Variants in NMRAL1 observed in about 807,000 individuals in gnomAD.
NMRAL1 encodes the protein nmrA-like family domain-containing protein 1.
Under a neutral mutation model 27.5 loss-of-function variants are expected in NMRAL1, and 32 were observed. The observed-to-expected ratio is 1.16, with a 90% CI of 0.88 to 1.56. The LOEUF is 1.56. Ranked by LOEUF, NMRAL1 falls within the 40% of genes most tolerant of loss-of-function variation. The probability of loss-of-function intolerance (pLI) is 0.00; values close to 1 mark genes in which losing one functional copy is unlikely to be tolerated. For missense variants in NMRAL1, 420 were observed against 392.0 expected, an observed-to-expected ratio of 1.07 and a Z score of -0.60; for synonymous variants, 166 against 166.8, an observed-to-expected ratio of 1.00 and a Z score of 0.04.
intron 4 of NMRAL1, 159 bp from the exon 5 acceptor site, chr16:4,464,009 C>A: frequency 1.7e-6 from 1 of 576,160 alleles, no homozygotes; most frequent in Admixed American, 3.7e-5. Context: ...TGTGGTAGCA[C>A]AGAGGCAGCA....
intron 4 of NMRAL1, 37 bp from the exon 5 acceptor site, chr16:4,463,887 G>C (rs2057212549): frequency 6.4e-7 from 1 of 1,564,708 alleles, no homozygotes; most frequent in Non-Finnish European, 8.7e-7. Context: ...TATGTCCCGA[G>C]GGCAGACAGG....
intron 2 of NMRAL1, among the ~76,000 whole-genome samples, chr16:4,473,166 G>A (rs78538387): frequency 0.12 from 17,535 of 151,750 alleles, 2,109 homozygotes; most frequent in African/African-American, 0.3. Context: ...ACGAGATTTT[G>A]CCCTGTTGTT....
At chr16:4,473,636 T>C (rs997071176) in intron 2 of NMRAL1, among the ~76,000 whole-genome samples, 1 of 151,942 alleles carries the variant, frequency 6.6e-6, no homozygotes, top group African/African-American at 2.4e-5. Context: ...TTTTTTAATT[T>C]GGAAAGCAGG....
upstream of NMRAL1, among the ~76,000 whole-genome samples, chr16:4,475,488 T>A (rs2057794869): frequency 6.6e-6 from 1 of 151,704 alleles, no homozygotes; most frequent in African/African-American, 2.4e-5. Context: ...TTTTTTGTAT[T>A]TTTGGTAGAG....
chr16:4,469,595 C>A, intron 2 of NMRAL1, 130 bp from the exon 3 acceptor site: 1 of 1,511,416 alleles, frequency 6.6e-7, no homozygotes, highest in South Asian at 1.3e-5. Flanking sequence ...GATTCTCATT[C>A]AGGTATTTTT....
At chr16:4,465,756 G>A (rs946218482) in intron 4 of NMRAL1, among the ~76,000 whole-genome samples, 5 of 151,948 alleles carry the variant, frequency 3.3e-5, no homozygotes, top group Non-Finnish European at 7.4e-5. Context: ...TAGTAGAGAT[G>A]GGGTTTCACC....
At chr16:4,470,222 C>G (rs1385516402) in intron 2 of NMRAL1, among the ~76,000 whole-genome samples, 2 of 146,636 alleles carry the variant, frequency 1.4e-5, no homozygotes, top group Non-Finnish European at 3.0e-5. Context: ...GTAATCCTAG[C>G]ACTTTGAGAG....
At position 4,469,287 on chromosome 16, in the gene NMRAL1, G is replaced by A. The variant is rs771607359; in HGVS notation, c.219C>T (p.Tyr73=). The change falls in exon 3 of 6, where the codon TAC becomes TAT. Residue 73 remains tyrosine (Y), a synonymous_variant. Transcript: ENST00000283429. ...AGTAATTGGTCACGATGAAGGTGGC[G>A]TAAGCCCCATTCAGGGCCAGCTCCA... The part of the protein sequence containing the change: ...VIMELALNGA[Y]ATFIVTNYWE... The A allele has an allele frequency of 1.5e-5, 24 of 1,613,982 alleles. No individual in the cohort carries two copies. In the Admixed American group the frequency reaches 1.8e-4, roughly 12 times the overall value.
intron 3 of NMRAL1, among the ~76,000 whole-genome samples, chr16:4,468,911 A>C (rs1460033068): frequency 2.0e-5 from 3 of 151,568 alleles, no homozygotes; most frequent in Non-Finnish European, 4.4e-5. Context: ...CTGTGCATGT[A>C]CCCCTGAATC....
chr16:4,462,103 C>G (rs938985641), intron 5 of NMRAL1, 144 bp from the exon 6 acceptor site: 21 of 666,754 alleles, frequency 3.1e-5, no homozygotes, highest in Non-Finnish European at 5.4e-5. Context: ...GTCCTCCGTA[C>G]AAGGTCATTT....
intron 5 of NMRAL1, chr16:4,463,432 G>A (rs2141416135): frequency 1.8e-6 from 1 of 541,276 alleles, no homozygotes; most frequent in South Asian, 2.6e-5. Context: ...TGGCTCCTAT[G>A]GCCCTCTCCT....
Position 4,466,602 on chromosome 16 carries a change from C to G in NMRAL1, c.280-200G>C, listed in dbSNP as rs73494675. 517 of 592,728 alleles carry G rather than the reference C, an allele frequency of 8.7e-4. 1 individual carries two copies. The highest frequency in any genetic ancestry group is 8.7e-3 in the African/African-American group (467 of 53,792). The allele number at this position is 592,728 out of a possible 1,614,324, so 36.7% of individuals were successfully genotyped here. ...CCGTAAACACAGCCCCGGAAGCCTT[C>G]TACCAGCCACTGACTCTGGCCCACC... On this transcript the variant is annotated intron_variant, in intron 3 of 5. Coordinates refer to ENST00000283429, the MANE Select transcript of NMRAL1 (RefSeq NM_020677.6).
Position 4,466,405 on chromosome 16 carries a change from G to A in NMRAL1, c.280-3C>T. On this transcript the variant is annotated splice_polypyrimidine_tract_variant and splice_region_variant and intron_variant, in intron 3 of 5. Coordinates refer to ENST00000283429, the MANE Select transcript of NMRAL1 (RefSeq NM_020677.6). ...GCCAGATCAGCGAGCAGCTTCCCCT[G>A]GAGGGCAGGGAAGGAGAGATCACAA... 1 of 1,611,072 alleles carries A rather than the reference G, an allele frequency of 6.2e-7. No homozygotes were observed. The highest frequency in any genetic ancestry group is 1.3e-5 in the African/African-American group (1 of 74,974).
chr16:4,473,283 G>A (rs574729345), intron 2 of NMRAL1, among the ~76,000 whole-genome samples: 11 of 152,020 alleles, frequency 7.2e-5, no homozygotes, highest in South Asian at 6.2e-4. Context: ...GTTTCTTTTT[G>A]GAGTGATGGA....
chr16:4,469,260 C>T lies in NMRAL1; in HGVS notation c.246G>A (p.Trp82Ter). ...AYATFIVTNY[W>*]ESCSQEQEVK... ...CCTCCTGCTCCTGGCTGCAGCTCTC[C>T]CAGTAATTGGTCACGATGAAGGTGG... is the stretch of plus-strand genomic sequence containing the variant. Residue 82 changes from tryptophan to a stop codon, truncating the protein, a stop_gained, in exon 3 of 6, where the codon TGG becomes TGA. Coordinates refer to ENST00000283429, the MANE Select transcript of NMRAL1 (RefSeq NM_020677.6). LOFTEE classifies it high-confidence loss of function. 1 of 1,614,090 alleles carries T rather than the reference C, an allele frequency of 6.2e-7. No homozygotes were observed. The highest frequency in any genetic ancestry group is 8.5e-7 in the Non-Finnish European group (1 of 1,179,986).
chr16:4,472,090 C>A (rs895781070), intron 2 of NMRAL1, among the ~76,000 whole-genome samples: 1 of 150,192 alleles, frequency 6.7e-6, no homozygotes, highest in Non-Finnish European at 1.5e-5. Context: ...AAAGTGTACA[C>A]CAATGTTCCA....
intron 4 of NMRAL1, 190 bp from the exon 5 acceptor site, chr16:4,464,040 G>A: frequency 9.0e-6 from 5 of 555,202 alleles, no homozygotes; most frequent in South Asian, 5.0e-5. Context: ...GTCAGGAAAC[G>A]GGATGGAATC....
At chr16:4,468,770 C>T (rs1396496341) in intron 3 of NMRAL1, among the ~76,000 whole-genome samples, 1 of 151,946 alleles carries the variant, frequency 6.6e-6, no homozygotes, top group African/African-American at 2.4e-5. Flanking sequence ...CAACAACAGA[C>T]ACTGGGAACC....
At chr16:4,471,324 T>A (rs909041775) in intron 2 of NMRAL1, 1 of 151,978 alleles carries the variant, frequency 6.6e-6, no homozygotes, top group African/African-American at 2.4e-5. Context: ...CCTTAAGATT[T>A]TGCGCGTTGC....
Sources: allele counts gnomAD v4.1 joint callset (sites outside exome capture counted in the v4.1 genomes callset), GRCh38; gene constraint gnomAD v4.1.1; transcripts MANE v1.5; gene names NCBI Gene and HGNC (gene_info 2026-07-23, HGNC 2026-07-21).